Variants in SLC38A11 observed in about 807,000 individuals in gnomAD.
The protein encoded by SLC38A11 is putative sodium-coupled neutral amino acid transporter 11.
SLC38A11 carries 51 observed loss-of-function variants against 49.4 expected under a neutral mutation model. That is an observed-to-expected ratio of 1.03 (90% confidence interval 0.83 to 1.30). The LOEUF (loss-of-function observed/expected upper bound fraction) is 1.30, where lower values mean the gene tolerates loss of function less well. Ranked by LOEUF, SLC38A11 falls within the 50% of genes most tolerant of loss-of-function variation. The probability of loss-of-function intolerance (pLI) is 0.00; values close to 1 mark genes in which losing one functional copy is unlikely to be tolerated. For synonymous variants in SLC38A11, 203 were observed against 192.9 expected (o/e 1.05, Z -0.43); for missense variants, 574 against 556.2 (o/e 1.03, Z -0.32).
chr2:164,947,241 C>T lies in SLC38A11; in HGVS notation c.230-1514G>A, dbSNP rs890689036. On this transcript the variant is annotated intron_variant, in intron 3 of 11. Coordinates refer to ENST00000685975, the MANE Select transcript of SLC38A11 (RefSeq NM_001351537.2). ...CCGCCTCCTGGGTTCAAATGATTTTCCTGCCTCAGCTTCCTGATCAGTTGG... is the reference window on the plus strand; with the variant it reads ...CCGCCTCCTGGGTTCAAATGATTTTTCTGCCTCAGCTTCCTGATCAGTTGG... 2.1e-5 allele frequency among the ~76,000 whole-genome samples: 3 copies of T among 142,922 alleles called. No homozygotes were observed. In the Admixed American group the frequency reaches 2.2e-4, roughly 11 times the overall value. 93.8% of individuals were successfully genotyped at this position (142,922 alleles called of 152,430 possible). A position where few individuals can be genotyped will look rare whatever the true frequency, so the allele number is the denominator to read the frequency against.
At chr2:164,933,683 A>T (rs1687165691) in intron 7 of SLC38A11, among the ~76,000 whole-genome samples, 1 of 152,052 alleles carries the variant, frequency 6.6e-6, no homozygotes, top group South Asian at 2.1e-4. Flanking sequence ...ATTCATCTGA[A>T]CCGAAAATGA....
chr2:164,953,753 A>C (rs779141216), intron 2 of SLC38A11, among the ~76,000 whole-genome samples: 8 of 152,220 alleles, frequency 5.3e-5, no homozygotes, highest in Non-Finnish European at 1.0e-4. Context: ...ATAAATGTTT[A>C]ATTTTCAGAA....
At chr2:164,955,058 A>G (rs1427243153) in intron 1 of SLC38A11, 151 bp downstream of exon 1, 6 of 670,782 alleles carry the variant, frequency 8.9e-6, no homozygotes, top group South Asian at 2.0e-5. Context: ...AAAAAAAAAA[A>G]AAGTCAGATT....
rs1688731250 is a variant in SLC38A11 at position 164,954,645 on chromosome 2, C to T, written c.140G>A (p.Gly47Glu). The T allele has an allele frequency of 4.6e-6, 7 of 1,517,306 alleles. No individual in the cohort carries two copies. Among genetic ancestry groups the T allele is most frequent in the East Asian group, 2.5e-5 (1 of 40,550 alleles). 94.0% of individuals were successfully genotyped at this position (1,517,306 alleles called of 1,614,324 possible). ...AATACACTTACCTATTATACCAGAT[C>T]CTATAATCGAGTTGACAACATTAAA... is the stretch of plus-strand genomic sequence containing the variant. The part of the protein sequence containing the change: ...ALFNVVNSII[G>E]SGIIGLPYSM... Residue 47 changes from glycine (G) to glutamate (E), a missense_variant, in exon 2 of 12, where the codon GGA becomes GAA. Physicochemically the swap from Gly to Glu is moderately conservative, Grantham distance 98 (BLOSUM62 -2). Transcript: ENST00000685975.
At position 164,930,198 on chromosome 2, in the gene SLC38A11, C is replaced by A. The variant is rs188713766; in HGVS notation, c.617+7152G>T. 1.1e-3 allele frequency among the ~76,000 whole-genome samples: 164 copies of A among 152,038 alleles called. 1 individual carries two copies. Among genetic ancestry groups the A allele is most frequent in the African/African-American group, 3.8e-3 (159 of 41,468 alleles). The stretch of plus-strand genomic sequence containing the variant: ...ATACATACACCCTCCCAAGACTGAA[C>A]CAAGAAGAAACTGAATCCCTGAAGA... On this transcript the variant is annotated intron_variant, in intron 7 of 11. Coordinates refer to ENST00000685975, the MANE Select transcript of SLC38A11 (RefSeq NM_001351537.2).
chr2:164,949,955 G>T (rs1218798335), intron 3 of SLC38A11: 2 of 152,198 alleles, frequency 1.3e-5, no homozygotes, highest in East Asian at 3.8e-4. Flanking sequence ...TGTTTTGATT[G>T]TGGAGTTTAT....
intron 11 of SLC38A11, among the ~76,000 whole-genome samples, chr2:164,907,268 CTCT>C (rs1685073476): frequency 1.0e-5 from 1 of 96,194 alleles, no homozygotes; most frequent in Non-Finnish European, 2.1e-5. Flanking sequence ...GTCTTCTTTT[CTCT>C]TTTTTTTTTT....
intron 7 of SLC38A11, among the ~76,000 whole-genome samples, chr2:164,916,240 T>C (rs1418846861): frequency 6.6e-6 from 1 of 152,166 alleles, no homozygotes; most frequent in Non-Finnish European, 1.5e-5. Flanking sequence ...TGTAATTTTG[T>C]GAATTTGTTT....
At chr2:164,923,028 A>C (rs1231671694) in intron 7 of SLC38A11, among the ~76,000 whole-genome samples, 1 of 152,240 alleles carries the variant, frequency 6.6e-6, no homozygotes, top group Non-Finnish European at 1.5e-5. Flanking sequence ...CCATATGCAG[A>C]AGAATGAAAC....
intron 9 of SLC38A11, among the ~76,000 whole-genome samples, chr2:164,914,183 G>C (rs1685600261): frequency 6.6e-6 from 1 of 151,910 alleles, no homozygotes; most frequent in African/African-American, 2.4e-5. Context: ...TTAATCAGGG[G>C]GTAAAACTAG....
intron 3 of SLC38A11, among the ~76,000 whole-genome samples, chr2:164,950,628 G>T (rs1024223872): frequency 6.6e-6 from 1 of 151,884 alleles, no homozygotes; most frequent in Admixed American, 6.6e-5. Flanking sequence ...AAATAATTTT[G>T]TATGCTCAGA....
At chr2:164,905,484 G>A (rs908348553) in intron 11 of SLC38A11, among the ~76,000 whole-genome samples, 4 of 152,010 alleles carry the variant, frequency 2.6e-5, no homozygotes, top group Non-Finnish European at 4.4e-5. Flanking sequence ...CTTCCAAAGT[G>A]TTGCATGATC....
intron 9 of SLC38A11, chr2:164,912,402 G>C (rs1304824137): frequency 6.6e-6 from 1 of 152,062 alleles, no homozygotes; most frequent in Non-Finnish European, 1.5e-5. Flanking sequence ...CTTCAGCACT[G>C]GCTTTGTAAA....
rs1340846242 is a variant in SLC38A11 at position 164,915,979 on chromosome 2, A to G, written c.618-6T>C. ...AAGCGTCTTCTGTTTTTGGTCTAGA[A>G]GAAAAATCAGTTAACTTGATAAATT... On this transcript the variant is annotated splice_region_variant and splice_polypyrimidine_tract_variant and intron_variant, in intron 7 of 11. Coordinates refer to ENST00000685975, the MANE Select transcript of SLC38A11 (RefSeq NM_001351537.2). The G allele has an allele frequency of 6.3e-7, 1 of 1,579,112 alleles. No individual in the cohort carries two copies. Among genetic ancestry groups the G allele is most frequent in the Admixed American group, 1.7e-5 (1 of 59,698 alleles).
At chr2:164,954,357 A>G (rs1018423008) in intron 2 of SLC38A11, among the ~76,000 whole-genome samples, 8 of 152,156 alleles carry the variant, frequency 5.3e-5, no homozygotes, top group Non-Finnish European at 8.8e-5. Context: ...AAAATGATTC[A>G]CCACCACCCA....
At chr2:164,945,994 TCGAGTCAAA>T (rs1688079699) in intron 3 of SLC38A11, among the ~76,000 whole-genome samples, 1 of 152,152 alleles carries the variant, frequency 6.6e-6, no homozygotes, top group African/African-American at 2.4e-5. Flanking sequence ...GAAAACAGAC[TCGAGTCAAA>T]CTGCCAGTGT....
Position 164,937,409 on chromosome 2 carries a change from A to C in SLC38A11, c.558T>G (p.Gly186=), listed in dbSNP as rs150244613. The change falls in exon 7 of 12, where the codon GGT becomes GGG. Residue 186 remains glycine, a synonymous_variant. Coordinates refer to ENST00000685975, the MANE Select transcript of SLC38A11 (RefSeq NM_001351537.2). ...KLGKVSLIST[G]LTTLILGIVM... ...CAATTCCAAGAATCAGAGTTGTTAA[A>C]CCTGTAGAGATGAGGGAGACCTGTA... 3.2e-4 allele frequency: 522 copies of C among 1,610,562 alleles called. No homozygotes were observed. Among genetic ancestry groups the C allele is most frequent in the Admixed American group, 6.8e-4 (41 of 59,944 alleles).
intron 5 of SLC38A11, among the ~76,000 whole-genome samples, 177 bp downstream of exon 5, chr2:164,944,392 G>A (rs1317802888): frequency 6.6e-6 from 1 of 152,048 alleles, no homozygotes; most frequent in Non-Finnish European, 1.5e-5. Flanking sequence ...ACTAAATTAT[G>A]TATAAAAGTA....
rs1474757057 is a variant in SLC38A11, at chr2:164,955,338, C to T, written c.-91G>A. On this transcript the variant is annotated 5_prime_UTR_variant, in exon 1 of 12. Transcript: ENST00000685975. ...CCTCCTCCGCCACCTCGCACACAGCCGAGGTCCGCGTGTAGCCGCAGAGCT... is the reference window on the plus strand; with the variant it reads ...CCTCCTCCGCCACCTCGCACACAGCTGAGGTCCGCGTGTAGCCGCAGAGCT... 7 of 1,268,918 alleles carry T rather than the reference C, an allele frequency of 5.5e-6. No homozygotes were observed. Among genetic ancestry groups the T allele is most frequent in the East Asian group, 2.5e-5 (1 of 39,290 alleles). 78.6% of individuals were successfully genotyped at this position (1,268,918 alleles called of 1,614,324 possible).
Sources: allele counts gnomAD v4.1 joint callset (sites outside exome capture counted in the v4.1 genomes callset), GRCh38; gene constraint gnomAD v4.1.1; transcripts MANE v1.5; gene names NCBI Gene and HGNC (gene_info 2026-07-23, HGNC 2026-07-21).